FARSB: variants seen among roughly 807,000 people sequenced by gnomAD.
FARSB encodes the protein phenylalanyl-tRNA synthetase subunit beta.
FARSB carries 40 observed loss-of-function variants against 69.6 expected under a neutral mutation model. That is an observed-to-expected ratio of 0.57 (90% confidence interval 0.45 to 0.75). FARSB has a LOEUF of 0.75. FARSB is among the 30% of genes least tolerant of loss of function. FARSB has a pLI of 0.00. For missense variants in FARSB, 632 were observed against 722.9 expected (o/e 0.87, Z 1.44); for synonymous variants, 235 against 247.2 (o/e 0.95, Z 0.46).
intron 15 of FARSB, among the ~76,000 whole-genome samples, chr2:222,609,740 A>G (rs1478232225): frequency 6.6e-6 from 1 of 152,132 alleles, no homozygotes; most frequent in Admixed American, 6.5e-5. Flanking sequence ...CTCATACAAC[A>G]CGGATGGTCA....
chr2:222,607,964 A>T lies in FARSB; in HGVS notation c.1462+5847T>A, dbSNP rs999619645. 7.5e-5 allele frequency among the ~76,000 whole-genome samples: 11 copies of T among 146,996 alleles called. 1 individual carries two copies. Among genetic ancestry groups the T allele is most frequent in the African/African-American group, 1.6e-4 (6 of 38,570 alleles). The stretch of plus-strand genomic sequence containing the variant: ...ACCTGGAATGGATTTTTTACCTATT[A>T]AAAAAAAAACACAATATTCAATGCA... On this transcript the variant is annotated intron_variant, in intron 15 of 16. Transcript: ENST00000281828.
At chr2:222,625,149 T>C (rs1259570185) in intron 10 of FARSB, among the ~76,000 whole-genome samples, 1 of 152,196 alleles carries the variant, frequency 6.6e-6, no homozygotes, top group African/African-American at 2.4e-5. Flanking sequence ...CAGATGGATA[T>C]GACCAAGAAA....
chr2:222,599,880 C>G (rs577577499), intron 16 of FARSB, 48 bp downstream of exon 16: 3 of 1,442,416 alleles, frequency 2.1e-6, no homozygotes, highest in Non-Finnish European at 1.8e-6. Flanking sequence ...AAGGTGTAGC[C>G]TCTTCCTGAC....
chr2:222,626,980 G>A (rs1691293457), intron 10 of FARSB, among the ~76,000 whole-genome samples: 1 of 152,144 alleles, frequency 6.6e-6, no homozygotes, highest in Admixed American at 6.5e-5. Context: ...AGCTTGCAGT[G>A]AGCCGAGATC....
chr2:222,590,609 G>T (rs1458152566), intron 16 of FARSB, among the ~76,000 whole-genome samples: 2 of 148,850 alleles, frequency 1.3e-5, no homozygotes, highest in African/African-American at 2.5e-5. Context: ...TTGGATACTT[G>T]TTGATATTCA....
intron 16 of FARSB, among the ~76,000 whole-genome samples, chr2:222,597,731 TC>T (rs967105380): frequency 2.6e-4 from 39 of 152,260 alleles, no homozygotes; most frequent in African/African-American, 8.4e-4. Flanking sequence ...ATGAGCACGA[TC>T]CAGGCCAAGT....
chr2:222,616,586 A>G (rs1691002746), intron 14 of FARSB, among the ~76,000 whole-genome samples: 1 of 151,606 alleles, frequency 6.6e-6, no homozygotes, highest in Admixed American at 6.6e-5. Context: ...GGGAAAACTA[A>G]AACAATGACT....
chr2:222,656,016 T>C lies in FARSB; in HGVS notation c.58A>G (p.Thr20Ala), dbSNP rs1692165789. The C allele has an allele frequency of 1.3e-6, 2 of 1,595,606 alleles. No individual in the cohort carries two copies. The highest frequency in any genetic ancestry group is 1.7e-5 in the Admixed American group (1 of 57,654). ...LLFQALGRTY[T>A]DEEFDELCFE... is the part of the protein sequence containing the mutation. The stretch of plus-strand genomic sequence containing the variant: ...CCCAACGTATAGGGCCGCCACTCAC[T>C]GTAGGTGCGGCCCAGGGCTTGGAAG... The change falls in exon 1 of 17, where the codon ACT (threonine) becomes GCT (alanine). Residue 20 changes from threonine to alanine, a missense_variant and splice_region_variant. Thr to Ala is a moderately conservative substitution (Grantham distance 58). Transcript: ENST00000281828.
rs570898153 is a variant in FARSB at position 222,597,927 on chromosome 2, T to C, written c.1618+2001A>G. On this transcript the variant is annotated intron_variant, in intron 16 of 16. Coordinates refer to ENST00000281828, the MANE Select transcript of FARSB (RefSeq NM_005687.5). ...CTTTAATGCTTTTCTCCTAACTAGCTGCAGCCTTTCCCTAGCATTCAAGAC... is the reference window on the plus strand; with the variant it reads ...CTTTAATGCTTTTCTCCTAACTAGCCGCAGCCTTTCCCTAGCATTCAAGAC... Among the ~76,000 whole-genome samples the C allele has an allele frequency of 2.6e-5, 4 of 152,356 alleles. No homozygotes were observed. The East Asian group carries it at 7.7e-4, about 29-fold the overall frequency.
intron 7 of FARSB, 60 bp from the exon 8 acceptor site, chr2:222,631,734 A>G: frequency 2.1e-6 from 2 of 930,998 alleles, no homozygotes; most frequent in South Asian, 1.4e-5. Flanking sequence ...GAAGTGCACT[A>G]TTAAGCTCAA....
intron 15 of FARSB, among the ~76,000 whole-genome samples, chr2:222,604,125 G>C (rs1245709615): frequency 6.6e-6 from 1 of 151,854 alleles, no homozygotes; most frequent in Non-Finnish European, 1.5e-5. Flanking sequence ...GGCTGAGGCA[G>C]GAGAATGGCG....
At chr2:222,636,128 C>T (rs971893276) in intron 5 of FARSB, among the ~76,000 whole-genome samples, 5 of 151,366 alleles carry the variant, frequency 3.3e-5, no homozygotes, top group African/African-American at 4.9e-5. Context: ...ATGCTTAGGC[C>T]GCACGCGGTG....
chr2:222,605,488 C>T (rs1046761863), intron 15 of FARSB, among the ~76,000 whole-genome samples: 1 of 152,142 alleles, frequency 6.6e-6, no homozygotes, highest in African/African-American at 2.4e-5. Context: ...ATTCCAAGTA[C>T]TTTTTTCCTG....
chr2:222,623,970 C>T (rs1354002982), intron 12 of FARSB, among the ~76,000 whole-genome samples: 3 of 152,156 alleles, frequency 2.0e-5, no homozygotes, highest in Non-Finnish European at 4.4e-5. Flanking sequence ...ACCCCCACTT[C>T]CATCTCTCCC....
chr2:222,651,478 A>G (rs1440916910), intron 1 of FARSB, among the ~76,000 whole-genome samples: 1 of 152,244 alleles, frequency 6.6e-6, no homozygotes, highest in African/African-American at 2.4e-5. Flanking sequence ...ACATGGTCCA[A>G]AGATAAAATC....
intron 16 of FARSB, among the ~76,000 whole-genome samples, chr2:222,590,828 C>T (rs962395629): frequency 1.3e-5 from 2 of 152,112 alleles, no homozygotes; most frequent in South Asian, 4.1e-4. Context: ...TGAAATTAGA[C>T]AATGGGGACA....
chr2:222,633,781 A>G (rs1432910252), intron 6 of FARSB, among the ~76,000 whole-genome samples: 1 of 152,170 alleles, frequency 6.6e-6, no homozygotes, highest in Admixed American at 6.5e-5. Context: ...TTCTAATATA[A>G]ATTAATATTC....
At chr2:222,636,601 A>G (rs17506822) in intron 5 of FARSB, among the ~76,000 whole-genome samples, 5,669 of 152,272 alleles carry the variant, frequency 0.037, 152 homozygotes, top group Non-Finnish European at 0.057. Flanking sequence ...TTCCAAATAT[A>G]GTAAGATATG....
intron 9 of FARSB, among the ~76,000 whole-genome samples, chr2:222,629,416 T>C (rs1313510025): frequency 6.6e-6 from 1 of 152,212 alleles, no homozygotes; most frequent in Non-Finnish European, 1.5e-5. Context: ...AAAAATACAG[T>C]AATCTTACCG....
Sources: allele counts gnomAD v4.1 joint callset (sites outside exome capture counted in the v4.1 genomes callset), GRCh38; gene constraint gnomAD v4.1.1; transcripts MANE v1.5; gene names NCBI Gene and HGNC (gene_info 2026-07-23, HGNC 2026-07-21).